The following SLC37A3 variants were observed in gnomAD, a reference collection of about 807,000 sequenced individuals.
The protein encoded by SLC37A3 is solute carrier family 37 member 3.
In SLC37A3, 51 loss-of-function variants were observed where a neutral mutation model predicts 67.1. That is an observed-to-expected ratio of 0.76 (90% CI 0.61 to 0.96). The LOEUF is 0.96. SLC37A3 is among the 40% of genes least tolerant of loss of function. The probability of loss-of-function intolerance (pLI) is 0.00; values close to 1 mark genes in which losing one functional copy is unlikely to be tolerated. For missense variants in SLC37A3, 508 were observed against 603.0 expected (o/e 0.84, Z 1.65); for synonymous variants, 214 against 231.4 (o/e 0.92, Z 0.68).
intron 7 of SLC37A3, 93 bp from the exon 8 acceptor site, chr7:140,352,239 G>T: frequency 1.2e-6 from 1 of 836,548 alleles, no homozygotes; most frequent in Non-Finnish European, 1.9e-6. Context: ...GGTGGGGGTG[G>T]GGGAGAGGTG....
rs1276781391 is a variant in SLC37A3, at chr7:140,364,323, T to G, written c.375+85A>C. On this transcript the variant is annotated intron_variant, in intron 5 of 14. Coordinates refer to ENST00000326232, the MANE Select transcript of SLC37A3 (RefSeq NM_207113.3). ...TTCGAACAATGAGGATTAATCTTAC[T>G]ATTCTATTCTACAGAGAAGTAGGGA... 1.3e-5 allele frequency: 16 copies of G among 1,222,438 alleles called. No homozygotes were observed. In the Admixed American group the frequency reaches 2.0e-4, roughly 16 times the overall value. The allele number at this position is 1,222,438 out of a possible 1,614,324, so 75.7% of individuals were successfully genotyped here.
intron 1 of SLC37A3, among the ~76,000 whole-genome samples, chr7:140,391,600 T>C (rs1232138967): frequency 6.6e-6 from 1 of 152,112 alleles, no homozygotes; most frequent in Non-Finnish European, 1.5e-5. Context: ...CATTTCTCCC[T>C]CCAAATCTAT....
At chr7:140,339,259 G>GTTT (rs1167850553) in intron 13 of SLC37A3, among the ~76,000 whole-genome samples, 6 of 121,398 alleles carry the variant, frequency 4.9e-5, no homozygotes, top group African/African-American at 1.9e-4. Flanking sequence ...CTGAGTCCCA[G>GTTT]TTTTGTTTTT....
intron 5 of SLC37A3, among the ~76,000 whole-genome samples, chr7:140,362,583 T>G (rs1331515414): frequency 1.9e-4 from 15 of 80,508 alleles, no homozygotes; most frequent in East Asian, 1.4e-3. Context: ...AGCCGCCCCG[T>G]CCGGGAGGTG....
At chr7:140,358,474 C>T (rs1461210334) in intron 6 of SLC37A3, among the ~76,000 whole-genome samples, 166 bp downstream of exon 6, 2 of 152,108 alleles carry the variant, frequency 1.3e-5, no homozygotes, top group African/African-American at 2.4e-5. Flanking sequence ...CACACCATTT[C>T]CAACGCACAC....
chr7:140,339,220 T>C (rs1423894198), intron 13 of SLC37A3, among the ~76,000 whole-genome samples: 5 of 151,924 alleles, frequency 3.3e-5, no homozygotes, highest in Non-Finnish European at 7.4e-5. Context: ...CTATGAATAA[T>C]ACTGCAATAA....
At chr7:140,336,606 G>C (rs1419688898) in intron 14 of SLC37A3, among the ~76,000 whole-genome samples, 1 of 152,130 alleles carries the variant, frequency 6.6e-6, no homozygotes, top group Non-Finnish European at 1.5e-5. Flanking sequence ...TTTAACTCAA[G>C]TGTTGCTTGG....
At position 140,364,330 on chromosome 7, in the gene SLC37A3, T is replaced by C. The variant is rs979545384; in HGVS notation, c.375+78A>G. ...AATGAGGATTAATCTTACTATTCTA[T>C]TCTACAGAGAAGTAGGGAGATTACT... On this transcript the variant is annotated intron_variant, in intron 5 of 14. Transcript: ENST00000326232. 3.1e-6 allele frequency: 4 copies of C among 1,303,004 alleles called. 1 individual carries two copies. The highest frequency in any genetic ancestry group is 2.0e-5 in the Admixed American group (1 of 48,866). The allele number at this position is 1,303,004 out of a possible 1,614,324, so 80.7% of individuals were successfully genotyped here.
chr7:140,347,237 C>G (rs945632569), intron 10 of SLC37A3, among the ~76,000 whole-genome samples: 7 of 148,998 alleles, frequency 4.7e-5, no homozygotes, highest in African/African-American at 1.7e-4. Flanking sequence ...CAGAGCAGTA[C>G]CCCCATCTCC....
chr7:140,369,327 C>G (rs1057508380), intron 4 of SLC37A3, among the ~76,000 whole-genome samples: 1 of 152,140 alleles, frequency 6.6e-6, no homozygotes, highest in African/African-American at 2.4e-5. Context: ...GTCTGTCTCC[C>G]CTAACTCCAA....
At chr7:140,350,337 A>G (rs1796741879) in intron 9 of SLC37A3, among the ~76,000 whole-genome samples, 1 of 152,202 alleles carries the variant, frequency 6.6e-6, no homozygotes, top group Non-Finnish European at 1.5e-5. Flanking sequence ...GAGTGCCCGA[A>G]ACATCAAGAC....
At chr7:140,359,396 C>T (rs544552479) in intron 5 of SLC37A3, among the ~76,000 whole-genome samples, 17 of 152,064 alleles carry the variant, frequency 1.1e-4, no homozygotes, top group African/African-American at 3.9e-4. Flanking sequence ...CATCTCCTCA[C>T]CCTCAGACTG....
chr7:140,393,273 A>G (rs761896690), intron 1 of SLC37A3, among the ~76,000 whole-genome samples: 9 of 152,146 alleles, frequency 5.9e-5, no homozygotes, highest in Non-Finnish European at 1.3e-4. Context: ...TCTGTTGTGC[A>G]TTTTCTTCAC....
chr7:140,387,919 TGGGAGTTAGA>T (rs1798569599), intron 1 of SLC37A3, among the ~76,000 whole-genome samples: 1 of 133,032 alleles, frequency 7.5e-6, no homozygotes, highest in East Asian at 2.1e-4. Context: ...GAGGATCACC[TGGGAGTTAGA>T]GGCTCAGTGA....
chr7:140,346,709 G>C (rs192105084), intron 10 of SLC37A3, among the ~76,000 whole-genome samples: 20 of 152,254 alleles, frequency 1.3e-4, no homozygotes, highest in Admixed American at 1.1e-3. Context: ...AAACCAGCCT[G>C]GGCAACACAG....
At chr7:140,346,074 C>G (rs1796546739) in intron 10 of SLC37A3, 104 bp from the exon 11 acceptor site, 1 of 791,958 alleles carries the variant, frequency 1.3e-6, no homozygotes, top group African/African-American at 1.7e-5. Context: ...CAGCCTGACA[C>G]TAGTCTATCA....
rs551998965 is a variant in SLC37A3, at chr7:140,362,522, G to A, written c.375+1886C>T. 2.3e-3 allele frequency among the ~76,000 whole-genome samples: 328 copies of A among 142,010 alleles called. 2 individuals are homozygous for A. The highest frequency in any genetic ancestry group is 8.4e-3 in the African/African-American group (318 of 37,980). The allele number at this position is 142,010 out of a possible 152,430, so 93.2% of individuals were successfully genotyped here. ...CGGGAAGTGAGGACCCCTCTGCCCG[G>A]CCAGCCGCCCCGTCCGGGAGGGAGG... is the stretch of plus-strand genomic sequence containing the variant. On this transcript the variant is annotated intron_variant, in intron 5 of 14. Transcript: ENST00000326232.
At chr7:140,375,240 G>A (rs1425650857) in intron 3 of SLC37A3, among the ~76,000 whole-genome samples, 1 of 151,092 alleles carries the variant, frequency 6.6e-6, no homozygotes, top group Non-Finnish European at 1.5e-5. Context: ...AGGCGGGGGC[G>A]GGTGGATTGC....
chr7:140,351,923 G>A (rs760890985), intron 8 of SLC37A3, 139 bp downstream of exon 8: 45 of 855,554 alleles, frequency 5.3e-5, no homozygotes, highest in East Asian at 3.2e-4. Context: ...GGACTCAAAC[G>A]GCAGTACTGT....
Sources: allele counts gnomAD v4.1 joint callset (sites outside exome capture counted in the v4.1 genomes callset), GRCh38; gene constraint gnomAD v4.1.1; transcripts MANE v1.5; gene names NCBI Gene and HGNC (gene_info 2026-07-23, HGNC 2026-07-21).